The following RP1 variants were observed in gnomAD, a reference collection of about 807,000 sequenced individuals.
RP1 encodes the protein oxygen-regulated protein 1.
Under a neutral mutation model 14.8 loss-of-function variants are expected in RP1, and 16 were observed. The ratio of observed to expected loss-of-function variants is 1.08; its 90% CI spans 0.73 to 1.65. RP1 has a LOEUF of 1.65. Among genes scored for constraint, RP1 ranks in the 40% most tolerant of loss-of-function variants. The probability of loss-of-function intolerance (pLI) is 0.00; values close to 1 mark genes in which losing one functional copy is unlikely to be tolerated. For missense variants in RP1, 2,631 were observed against 2,535.0 expected (o/e 1.04, Z -0.81); for synonymous variants, 876 against 883.6 (o/e 0.99, Z 0.15).
In RP1 at chr8:54,677,980, A is replaced by G. The variant is rs73682009; in HGVS notation, c.1403-481A>G. ...TTTATACCTTCATGTGTACCAGGTG[A>G]GTCTATGTGCTTGGACAGGATTTCT... On this transcript the variant is annotated intron_variant, in intron 8 of 22. Coordinates refer to the RP1 transcript ENST00000636932. 2.5e-3 allele frequency among the ~76,000 whole-genome samples: 381 copies of G among 152,302 alleles called. 3 individuals carry two copies. Among genetic ancestry groups the G allele is most frequent in the African/African-American group, 8.9e-3 (368 of 41,574 alleles).
chr8:54,567,791 A>T (rs192011899), intron 1 of RP1, among the ~76,000 whole-genome samples: 172 of 152,336 alleles, frequency 1.1e-3, no homozygotes, highest in African/African-American at 3.8e-3. Flanking sequence ...TCATTAGATC[A>T]GGCTTTGCCT....
intron 15 of RP1, among the ~76,000 whole-genome samples, chr8:54,715,221 T>A (rs1808374047): frequency 6.6e-6 from 1 of 152,234 alleles, no homozygotes; most frequent in African/African-American, 2.4e-5. Flanking sequence ...CTTGCAGTGG[T>A]GTGAGCATGC....
chr8:54,749,786 G>T (rs1019320936), intron 19 of RP1, among the ~76,000 whole-genome samples: 5 of 152,016 alleles, frequency 3.3e-5, no homozygotes, highest in African/African-American at 4.8e-5. Context: ...GTGCTGGAGA[G>T]CTTTCTTGGG....
chr8:54,668,107 G>A (rs1037418918), intron 7 of RP1, among the ~76,000 whole-genome samples: 1 of 152,072 alleles, frequency 6.6e-6, no homozygotes, highest in Non-Finnish European at 1.5e-5. Context: ...CTGGCAAACC[G>A]AATCCAGCAG....
At chr8:54,642,520 A>T (rs1169264809) in intron 3 of RP1, among the ~76,000 whole-genome samples, 1 of 152,050 alleles carries the variant, frequency 6.6e-6, no homozygotes, top group Non-Finnish European at 1.5e-5. Flanking sequence ...TTATTTGTAA[A>T]ACTGAGATAA....
At chr8:54,763,914 AT>A (rs998340948) in intron 22 of RP1, among the ~76,000 whole-genome samples, 13 of 149,662 alleles carry the variant, frequency 8.7e-5, no homozygotes, top group African/African-American at 1.7e-4. Flanking sequence ...TGACTTTAAA[AT>A]TTTTTTTTTT....
At chr8:54,842,723 T>G (rs1021647946) in intron 25 of RP1, among the ~76,000 whole-genome samples, 2 of 152,188 alleles carry the variant, frequency 1.3e-5, no homozygotes, top group Non-Finnish European at 2.9e-5. Context: ...AAAGATTTTC[T>G]AACTTACTAA....
At chr8:54,771,433 G>C (rs1020816169), downstream of RP1, among the ~76,000 whole-genome samples, 2 of 152,014 alleles carry the variant, frequency 1.3e-5, no homozygotes, top group African/African-American at 4.8e-5. Context: ...AATAATGTAA[G>C]ACATGTAATC....
chr8:54,776,977 C>T (rs966364090), intron 23 of RP1, among the ~76,000 whole-genome samples: 7 of 152,188 alleles, frequency 4.6e-5, no homozygotes, highest in Admixed American at 1.3e-4. Context: ...TGCTGCTCAG[C>T]GGCTGCTGAG....
intron 1 of RP1, among the ~76,000 whole-genome samples, chr8:54,570,462 G>A (rs1586389472): frequency 1.3e-5 from 2 of 151,600 alleles, no homozygotes. Context: ...CTGAGTAGCT[G>A]GGATTACAGG....
At chr8:54,851,068 C>T (rs951844301) in intron 25 of RP1, among the ~76,000 whole-genome samples, 22 of 151,468 alleles carry the variant, frequency 1.5e-4, no homozygotes, top group African/African-American at 2.7e-4. Flanking sequence ...TGTGTGTGTG[C>T]GTGCATGTGT....
rs537798982 is a variant in RP1 at position 54,809,547 on chromosome 8, C to T, written c.3615+25837C>T. Among the ~76,000 whole-genome samples, 9 of 152,222 alleles carry T rather than the reference C, an allele frequency of 5.9e-5. No individual in the cohort carries two copies. In the South Asian group the frequency reaches 1.9e-3, roughly 32 times the overall value. ...TAAAAGCCTTAAATTCAAACAAATT[C>T]TCTGTATGTATTTCAATCTTATGCC... On this transcript the variant is annotated intron_variant, in intron 24 of 28. Transcript: ENST00000637698.
chr8:54,710,217 C>T lies in RP1; in HGVS notation c.2211+3562C>T, dbSNP rs189717393. On this transcript the variant is annotated intron_variant, in intron 15 of 22. Transcript: ENST00000636932. ...TTGCAGGTCTTGCAACAGGGGTGCCCATTTTACTTAGCCTGCCCCGCTCAA... is the reference window on the plus strand; with the variant it reads ...TTGCAGGTCTTGCAACAGGGGTGCCTATTTTACTTAGCCTGCCCCGCTCAA... 4.4e-3 allele frequency among the ~76,000 whole-genome samples: 665 copies of T among 152,294 alleles called. 3 individuals carry two copies. Among genetic ancestry groups the T allele is most frequent in the Non-Finnish European group, 7.9e-3 (535 of 68,012 alleles).
At chr8:54,712,648 C>A (rs1808319023) in intron 15 of RP1, among the ~76,000 whole-genome samples, 2 of 152,178 alleles carry the variant, frequency 1.3e-5, no homozygotes, top group African/African-American at 4.8e-5. Flanking sequence ...GAAAACTCCT[C>A]ATTTATGTTT....
At chr8:54,799,712 G>A (rs1403513414) in intron 24 of RP1, among the ~76,000 whole-genome samples, 1 of 151,732 alleles carries the variant, frequency 6.6e-6, no homozygotes, top group African/African-American at 2.4e-5. Flanking sequence ...AATAATCTGA[G>A]TCTCCCTTCA....
At chr8:54,655,821 C>A (rs1043860460) in intron 5 of RP1, among the ~76,000 whole-genome samples, 4 of 151,988 alleles carry the variant, frequency 2.6e-5, no homozygotes, top group Non-Finnish European at 4.4e-5. Flanking sequence ...AGTTGGCAAC[C>A]AGCCTGGGCA....
chr8:54,791,229 A>G (rs963318201), intron 24 of RP1, among the ~76,000 whole-genome samples: 23 of 152,106 alleles, frequency 1.5e-4, no homozygotes, highest in African/African-American at 5.3e-4. Flanking sequence ...CCTGCCAACC[A>G]AGAATACTGT....
At chr8:54,768,382 T>C (rs1277937054) in intron 22 of RP1, among the ~76,000 whole-genome samples, 1 of 152,232 alleles carries the variant, frequency 6.6e-6, no homozygotes, top group Non-Finnish European at 1.5e-5. Context: ...TCTTTACATA[T>C]CTGTTTCCTT....
intron 1 of RP1, among the ~76,000 whole-genome samples, chr8:54,608,190 T>C (rs1359051666): frequency 6.8e-6 from 1 of 147,416 alleles, no homozygotes; most frequent in Non-Finnish European, 1.5e-5. Context: ...TGCCTTTTTT[T>C]TTTTTTTTTT....
Sources: gnomAD v4.1 joint callset for allele counts (sites outside exome capture counted in the v4.1 genomes callset) on GRCh38, gnomAD v4.1.1 for gene constraint, MANE v1.5 for transcripts, NCBI Gene and HGNC (gene_info 2026-07-23, HGNC 2026-07-21) for gene names.